MYO7A: variants seen among roughly 807,000 people sequenced by gnomAD.
The protein encoded by MYO7A is myosin VIIA.
A neutral mutation model predicts 263.8 loss-of-function variants in MYO7A; 210 were observed. That is an observed-to-expected ratio of 0.80 (90% CI 0.71 to 0.89). The LOEUF (loss-of-function observed/expected upper bound fraction) is 0.89, where lower values mean the gene tolerates loss of function less well. MYO7A is among the 40% of genes least tolerant of loss of function. MYO7A has a pLI of 0.00. For missense variants in MYO7A, 2,820 were observed against 2,968.3 expected (o/e 0.95, Z 1.16); for synonymous variants, 1,239 against 1,197.3 (o/e 1.03, Z -0.72).
In MYO7A at chr11:77,168,295, C is replaced by A. The variant is rs1289805107; in HGVS notation, c.1797+2133C>A. On this transcript the variant is annotated intron_variant, in intron 15 of 48. Coordinates refer to ENST00000409709, the MANE Select transcript of MYO7A (RefSeq NM_000260.4). ...TCATGGAGAGGTCAAAGTGCAGGAG[C>A]CCAGAGTCTCCAGAAATGGCCCCCT... Among the ~76,000 whole-genome samples the A allele has an allele frequency of 1.6e-4, 24 of 152,278 alleles. No individual in the cohort carries two copies. In the East Asian group the frequency reaches 4.2e-3, roughly 27 times the overall value.
chr11:77,209,485 G>C (rs942324195), intron 44 of MYO7A: 3 of 152,714 alleles, frequency 2.0e-5, no homozygotes, highest in Non-Finnish European at 4.4e-5. Flanking sequence ...GGAGTGAGAA[G>C]GACTGCCCTC....
At chr11:77,209,660 T>C (rs1957731065) in intron 44 of MYO7A, among the ~76,000 whole-genome samples, 1 of 152,134 alleles carries the variant, frequency 6.6e-6, no homozygotes, top group Non-Finnish European at 1.5e-5. Flanking sequence ...ACCTCCTGGA[T>C]ATCTCTAAAG....
Position 77,181,699 on chromosome 11 carries a change from G to A in MYO7A, c.2904+110G>A, listed in dbSNP as rs1373265822. On this transcript the variant is annotated intron_variant, in intron 23 of 48. Coordinates refer to ENST00000409709, the MANE Select transcript of MYO7A (RefSeq NM_000260.4). ...GCCCACCCAGTCCCTCTGAACAGTG[G>A]GGAGCAGAGATGAACTGGGTCCGGG... The A allele has an allele frequency of 6.4e-6, 7 of 1,089,932 alleles. No individual in the cohort carries two copies. The East Asian group carries it at 1.5e-4, about 24-fold the overall frequency. 67.5% of individuals were successfully genotyped at this position (1,089,932 alleles called of 1,614,324 possible). A position where few individuals can be genotyped will look rare whatever the true frequency, so the allele number is the denominator to read the frequency against.
At chr11:77,194,263 G>A (rs544849882) in intron 31 of MYO7A, 91 bp from the exon 32 acceptor site, 2 of 1,434,144 alleles carry the variant, frequency 1.4e-6, no homozygotes, top group Non-Finnish European at 9.6e-7. Context: ...AGGAGGCAGG[G>A]CCAGGAGAGG....
At chr11:77,143,084 G>A (rs528345110) in intron 3 of MYO7A, among the ~76,000 whole-genome samples, 1 of 152,240 alleles carries the variant, frequency 6.6e-6, no homozygotes, top group African/African-American at 2.4e-5. Context: ...TGTGTGGTGG[G>A]GTTTGAGTGC....
rs571062446 is a variant in MYO7A at position 77,129,940 on chromosome 11, G to A, written c.-46-649G>A. The stretch of plus-strand genomic sequence containing the variant: ...AGAGAAAAGACCGAGGCATCAGCAG[G>A]GGCCAGATTGTGCTGGGCCTAGCGG... On this transcript the variant is annotated intron_variant, in intron 1 of 48. Transcript: ENST00000409709. Among the ~76,000 whole-genome samples the A allele has an allele frequency of 1.6e-4, 25 of 152,320 alleles. 3 individuals are homozygous for A. The highest frequency in any genetic ancestry group is 1.2e-3 in the Admixed American group (19 of 15,310).
chr11:77,153,529 C>T (rs555452823), intron 4 of MYO7A, among the ~76,000 whole-genome samples: 9 of 152,230 alleles, frequency 5.9e-5, no homozygotes, highest in African/African-American at 1.9e-4. Context: ...CTTCTCACAG[C>T]GTCTCAGCAT....
intron 27 of MYO7A, among the ~76,000 whole-genome samples, chr11:77,186,587 C>G (rs1955662246): frequency 6.6e-6 from 1 of 152,216 alleles, no homozygotes; most frequent in African/African-American, 2.4e-5. Flanking sequence ...TGTGAGCCTC[C>G]AACTTACCTT....
chr11:77,134,985 AT>A (rs1331136019), intron 2 of MYO7A, among the ~76,000 whole-genome samples: 1 of 151,862 alleles, frequency 6.6e-6, no homozygotes, highest in Non-Finnish European at 1.5e-5. Context: ...GGGTTTCACC[AT>A]GTTGGCCAGG....
chr11:77,158,373 T>A lies in MYO7A; in HGVS notation c.946T>A (p.Trp316Arg). The stretch of plus-strand genomic sequence containing the variant: ...GCTCATGTTCACTGACACCGAGAAC[T>A]GGGAGATCTCGAAGCTCCTGGCTGC... ...KVLMFTDTEN[W>R]EISKLLAAIL... Residue 316 changes from tryptophan (W) to arginine (R), a missense_variant, in exon 9 of 49, where the codon TGG (tryptophan) becomes AGG (arginine). Coordinates refer to ENST00000409709, the MANE Select transcript of MYO7A (RefSeq NM_000260.4). 1 of 1,613,034 alleles carries A rather than the reference T, an allele frequency of 6.2e-7. No individual in the cohort carries two copies. Among genetic ancestry groups the A allele is most frequent in the South Asian group, 1.1e-5 (1 of 91,060 alleles).
chr11:77,179,656 G>C, intron 20 of MYO7A, 79 bp from the exon 21 acceptor site: 2 of 1,332,852 alleles, frequency 1.5e-6, no homozygotes, highest in Admixed American at 2.3e-5. Flanking sequence ...GTGGAGGCCG[G>C]TGCCATGGAA....
Position 77,181,767 on chromosome 11 carries a change from G to GTTT in MYO7A, c.2905-175_2905-173dup, listed in dbSNP as rs10522799. 1.1e-4 allele frequency among the ~76,000 whole-genome samples: 15 copies of GTTT among 138,272 alleles called. No individual in the cohort carries two copies. In the East Asian group the frequency reaches 1.4e-3, roughly 13 times the overall value. The allele number at this position is 138,272 out of a possible 152,430, so 90.7% of individuals were successfully genotyped here. ...TGTCCCTCTCCAACGCCCTTCTCAA[G>GTTT]TTTTTTTTTTTGTTTTTTTTTTTTT... On this transcript the variant is annotated intron_variant, in intron 23 of 48. Coordinates refer to ENST00000409709, the MANE Select transcript of MYO7A (RefSeq NM_000260.4).
At chr11:77,151,060 G>A (rs566530354) in intron 4 of MYO7A, among the ~76,000 whole-genome samples, 111 of 152,312 alleles carry the variant, frequency 7.3e-4, no homozygotes, top group African/African-American at 2.3e-3. Flanking sequence ...TCTTGGGCTC[G>A]CCTGCCTCCA....
At chr11:77,213,112 C>G in intron 47 of MYO7A, 77 bp downstream of exon 47, 1 of 1,151,872 alleles carries the variant, frequency 8.7e-7, no homozygotes, top group South Asian at 1.4e-5. Context: ...ACGAACCCCA[C>G]AAGCCCTCCT....
chr11:77,177,452 T>G (rs921711485), intron 18 of MYO7A, 97 bp from the exon 19 acceptor site: 4 of 989,320 alleles, frequency 4.0e-6, no homozygotes, highest in Non-Finnish European at 6.2e-6. Context: ...GTTCTTGACC[T>G]GTGCTCCCAG....
rs782213140 is a variant in MYO7A, at chr11:77,147,602, C to T, written c.133-196C>T. Among the ~76,000 whole-genome samples, 3 of 152,122 alleles carry T rather than the reference C, an allele frequency of 2.0e-5. No individual in the cohort carries two copies. The East Asian group carries it at 5.8e-4, about 30-fold the overall frequency. ...CGGGAAAATCCCCTAAGAGAAGGAGCGGTCCTTGAGGGGTAGAGGTGGCTG... is the reference window on the plus strand; with the variant it reads ...CGGGAAAATCCCCTAAGAGAAGGAGTGGTCCTTGAGGGGTAGAGGTGGCTG... On this transcript the variant is annotated intron_variant, in intron 3 of 48. Transcript: ENST00000409709.
At chr11:77,150,652 G>C (rs558898253) in intron 4 of MYO7A, among the ~76,000 whole-genome samples, 15 of 152,334 alleles carry the variant, frequency 9.8e-5, no homozygotes, top group African/African-American at 3.6e-4. Context: ...GGGGGTCCAG[G>C]TAGGTGAATA....
At chr11:77,198,796 C>T (rs1036878039) in intron 34 of MYO7A, among the ~76,000 whole-genome samples, 175 bp downstream of exon 34, 1 of 152,210 alleles carries the variant, frequency 6.6e-6, no homozygotes, top group Non-Finnish European at 1.5e-5. Context: ...GAGGGATGGG[C>T]TTGGGCTTTA....
In MYO7A at chr11:77,203,314, G is replaced by C; in HGVS notation, c.5326+97G>C. On this transcript the variant is annotated intron_variant, in intron 38 of 48. Transcript: ENST00000409709. ...CTCCTGAGGGCCTGCTGCGACCCGG[G>C]CACACATGGGGAGGGTTGATGGAGT... 4.4e-6 allele frequency: 6 copies of C among 1,375,854 alleles called. No homozygotes were observed. In the South Asian group the frequency reaches 8.3e-5, roughly 19 times the overall value. 85.2% of individuals were successfully genotyped at this position (1,375,854 alleles called of 1,614,324 possible).
Sources: allele counts gnomAD v4.1 joint callset (sites outside exome capture counted in the v4.1 genomes callset), GRCh38; gene constraint gnomAD v4.1.1; transcripts MANE v1.5; gene names NCBI Gene and HGNC (gene_info 2026-07-23, HGNC 2026-07-21).